The following DNAH3 variants were observed in gnomAD, a reference collection of about 807,000 sequenced individuals.
The protein encoded by DNAH3 is dynein axonemal heavy chain 3, also known as axonemal beta dynein heavy chain 3.
DNAH3 carries 332 observed loss-of-function variants against 432.5 expected under a neutral mutation model. The observed-to-expected ratio is 0.77, with a 90% confidence interval of 0.70 to 0.84. The LOEUF is 0.84. Ranked by LOEUF, DNAH3 falls within the 40% of genes least tolerant of loss-of-function variation. The probability of loss-of-function intolerance (pLI) is 0.00; values close to 1 mark genes in which losing one functional copy is unlikely to be tolerated. For synonymous variants in DNAH3, 1,956 were observed against 1,900.2 expected, an observed-to-expected ratio of 1.03 and a Z score of -0.76; for missense variants, 4,861 against 5,114.0, an observed-to-expected ratio of 0.95 and a Z score of 1.51.
chr16:20,997,187 A>T, intron 44 of DNAH3, 96 bp downstream of exon 44: 1 of 1,291,206 alleles, frequency 7.7e-7, no homozygotes, highest in Non-Finnish European at 1.1e-6. Flanking sequence ...GTGGTTTGGC[A>T]GGACAGACTG....
At chr16:21,114,970 T>C (rs1434016494) in intron 12 of DNAH3, among the ~76,000 whole-genome samples, 1 of 152,144 alleles carries the variant, frequency 6.6e-6, no homozygotes, top group African/African-American at 2.4e-5. Context: ...CTATTCACAA[T>C]AGCAAAGACT....
At chr16:20,949,222 G>A (rs974667366) in intron 56 of DNAH3, among the ~76,000 whole-genome samples, 3 of 128,330 alleles carry the variant, frequency 2.3e-5, no homozygotes, top group Admixed American at 1.8e-4. Flanking sequence ...AGCTACAAGA[G>A]TACTGTAAAC....
chr16:20,982,304 T>G (rs2085947915), intron 49 of DNAH3, among the ~76,000 whole-genome samples: 1 of 152,040 alleles, frequency 6.6e-6, no homozygotes, highest in African/African-American at 2.4e-5. Context: ...GAGAATCACT[T>G]GAATCTGGGA....
intron 18 of DNAH3, among the ~76,000 whole-genome samples, chr16:21,093,562 A>G (rs1437281874): frequency 1.3e-5 from 2 of 152,216 alleles, no homozygotes; most frequent in Non-Finnish European, 2.9e-5. Flanking sequence ...TTTGGTATGT[A>G]TAGACAAACT....
chr16:21,153,574 A>G (rs866587663), intron 1 of DNAH3, among the ~76,000 whole-genome samples: 2 of 152,140 alleles, frequency 1.3e-5, no homozygotes, highest in Non-Finnish European at 2.9e-5. Flanking sequence ...CCCTTCTACA[A>G]CGTGGAAGGT....
At chr16:21,002,804 A>G (rs557942787) in intron 42 of DNAH3, among the ~76,000 whole-genome samples, 17 of 152,116 alleles carry the variant, frequency 1.1e-4, no homozygotes, top group African/African-American at 3.1e-4. Flanking sequence ...GAATAGCAAC[A>G]AACACTGATG....
In DNAH3 at chr16:21,081,652, C is replaced by T. The variant is rs139292137; in HGVS notation, c.2953G>A (p.Gly985Ser). 9.3e-6 allele frequency: 15 copies of T among 1,613,348 alleles called. No homozygotes were observed. In the African/African-American group the frequency reaches 1.7e-4, roughly 19 times the overall value. The change falls in exon 20 of 62, where the codon GGC becomes AGC. Residue 985 changes from glycine (G) to serine (S), a missense_variant. Physicochemically the swap from Gly to Ser is moderately conservative, Grantham distance 56. Coordinates refer to ENST00000261383, the Ensembl canonical transcript of DNAH3. ...AGCCCTTACTTTTCAACGAATTTGC[C>T]GAATCCAAATTCGAGCATATTTGAG...
chr16:21,111,441 C>T (rs189511458), intron 14 of DNAH3, among the ~76,000 whole-genome samples, 185 bp downstream of exon 14: 6 of 152,256 alleles, frequency 3.9e-5, no homozygotes, highest in Admixed American at 1.3e-4. Flanking sequence ...ACCCCCATGT[C>T]GCTTTCTCTT....
intron 37 of DNAH3, among the ~76,000 whole-genome samples, chr16:21,028,993 G>T (rs1370229443): frequency 6.6e-6 from 1 of 152,200 alleles, no homozygotes; most frequent in Admixed American, 6.5e-5. Flanking sequence ...TTACAAGGCT[G>T]ACACCACCAA....
At chr16:20,967,035 T>C (rs1240476800) in intron 52 of DNAH3, among the ~76,000 whole-genome samples, 1 of 152,212 alleles carries the variant, frequency 6.6e-6, no homozygotes, top group Non-Finnish European at 1.5e-5. Flanking sequence ...CCCATGGTAC[T>C]TGCCAAGCTC....
intron 50 of DNAH3, among the ~76,000 whole-genome samples, chr16:20,977,632 T>C (rs1328572653): frequency 6.6e-6 from 1 of 152,144 alleles, no homozygotes; most frequent in Admixed American, 6.5e-5. Flanking sequence ...GTCATGCAGA[T>C]CTAAGTTTCA....
chr16:21,004,257 G>A (rs188144229), intron 41 of DNAH3, among the ~76,000 whole-genome samples: 34 of 152,216 alleles, frequency 2.2e-4, no homozygotes, highest in East Asian at 9.6e-4. Flanking sequence ...CGTCCTGTAC[G>A]CATTATCCAG....
intron 37 of DNAH3, among the ~76,000 whole-genome samples, chr16:21,028,369 A>G (rs2088682276): frequency 6.6e-6 from 1 of 152,008 alleles, no homozygotes; most frequent in Non-Finnish European, 1.5e-5. Flanking sequence ...GAATAGAGTG[A>G]AAGAAGCTAG....
chr16:20,969,686 G>T, intron 52 of DNAH3, 106 bp downstream of exon 52: 1 of 1,268,928 alleles, frequency 7.9e-7, no homozygotes, highest in African/African-American at 1.5e-5. Context: ...CAAACTCAGT[G>T]ATCTTGCCTG....
intron 4 of DNAH3, among the ~76,000 whole-genome samples, 187 bp downstream of exon 5, chr16:21,141,113 C>T (rs974182898): frequency 5.3e-5 from 8 of 151,428 alleles, no homozygotes; most frequent in Admixed American, 3.3e-4. Context: ...CACTCCAGCC[C>T]GGGCAACAGA....
chr16:20,945,475 T>C (rs567772458), intron 57 of DNAH3, among the ~76,000 whole-genome samples: 1 of 151,968 alleles, frequency 6.6e-6, no homozygotes, highest in South Asian at 2.1e-4. Context: ...GTCTATGAAG[T>C]AGCCATTCTT....
intron 21 of DNAH3, among the ~76,000 whole-genome samples, chr16:21,072,137 T>C (rs943473427): frequency 3.9e-5 from 6 of 152,344 alleles, no homozygotes; most frequent in Admixed American, 3.3e-4. Flanking sequence ...CTATTAGGTA[T>C]TTCTTTTGGC....
At chr16:21,003,071 C>T in intron 42 of DNAH3, 33 bp downstream of exon 42, 1 of 1,417,686 alleles carries the variant, frequency 7.1e-7, no homozygotes, top group South Asian at 1.2e-5. Context: ...ATTCTGGAAA[C>T]CAAAGTTCCA....
At chr16:20,996,622 C>A (rs1449288561) in intron 44 of DNAH3, among the ~76,000 whole-genome samples, 2 of 152,248 alleles carry the variant, frequency 1.3e-5, no homozygotes, top group Non-Finnish European at 2.9e-5. Flanking sequence ...CCAAGCCCAG[C>A]TAATTTTTTT....
Sources: allele counts gnomAD v4.1 joint callset (sites outside exome capture counted in the v4.1 genomes callset), GRCh38; gene constraint gnomAD v4.1.1; transcripts MANE v1.5; gene names NCBI Gene and HGNC (gene_info 2026-07-23, HGNC 2026-07-21).